Variants in NRXN3 observed in about 807,000 individuals in gnomAD.
NRXN3 encodes neurexin 3.
A neutral mutation model predicts 137.6 loss-of-function variants in NRXN3; 32 were observed. The ratio of observed to expected loss-of-function variants is 0.23; its 90% CI spans 0.18 to 0.31. The LOEUF is 0.31. Ranked by LOEUF, NRXN3 falls within the 10% of genes least tolerant of loss-of-function variation. The pLI, the probability that NRXN3 is intolerant of heterozygous loss-of-function variation, is 1.00. For synonymous variants in NRXN3, 798 were observed against 784.5 expected, an observed-to-expected ratio of 1.02 and a Z score of -0.29; for missense variants, 1,574 against 2,062.5, an observed-to-expected ratio of 0.76 and a Z score of 4.59.
intron 15 of NRXN3, among the ~76,000 whole-genome samples, chr14:79,130,957 C>T (rs1218692895): frequency 5.3e-5 from 8 of 152,168 alleles, no homozygotes; most frequent in Non-Finnish European, 1.0e-4. Context: ...ACCCTTTCTT[C>T]CAGTTGATCG....
At chr14:78,638,543 A>C (rs1601723575) in intron 4 of NRXN3, among the ~76,000 whole-genome samples, 1 of 152,210 alleles carries the variant, frequency 6.6e-6, no homozygotes, top group East Asian at 1.9e-4. Context: ...AAATTCTAGC[A>C]GGAAATGTCA....
intron 10 of NRXN3, among the ~76,000 whole-genome samples, chr14:78,897,008 A>T (rs1012764845): frequency 2.0e-5 from 3 of 151,904 alleles, no homozygotes; most frequent in Admixed American, 1.3e-4. Context: ...TTGTAAAGAA[A>T]GTTTTATTTA....
intron 16 of NRXN3, among the ~76,000 whole-genome samples, chr14:79,474,585 T>C (rs1018638759): frequency 1.3e-5 from 2 of 152,122 alleles, no homozygotes; most frequent in Non-Finnish European, 2.9e-5. Context: ...GTCAATAGGA[T>C]AAGTGACCCT....
chr14:79,667,387 G>A (rs1396986363), intron 17 of NRXN3, among the ~76,000 whole-genome samples: 9 of 151,898 alleles, frequency 5.9e-5, no homozygotes, highest in Non-Finnish European at 1.2e-4. Flanking sequence ...ACATGCTCTC[G>A]GGGAATTGTT....
At chr14:78,824,772 A>C (rs1596256222) in intron 10 of NRXN3, among the ~76,000 whole-genome samples, 1 of 152,234 alleles carries the variant, frequency 6.6e-6, no homozygotes, top group East Asian at 1.9e-4. Context: ...CACAGTCAAC[A>C]ATATTTCATT....
chr14:78,367,760 C>T (rs2086198532), intron 4 of NRXN3, among the ~76,000 whole-genome samples: 1 of 152,172 alleles, frequency 6.6e-6, no homozygotes, highest in South Asian at 2.1e-4. Flanking sequence ...GAATCTGATT[C>T]TGATTTCATT....
intron 20 of NRXN3, among the ~76,000 whole-genome samples, chr14:79,820,019 T>G (rs565611502): frequency 1.4e-5 from 2 of 142,736 alleles, no homozygotes; most frequent in African/African-American, 5.4e-5. Flanking sequence ...GGCAGTAGCT[T>G]CCTTGATCTC....
At chr14:79,577,233 C>G (rs185341800) in intron 16 of NRXN3, among the ~76,000 whole-genome samples, 14 of 152,096 alleles carry the variant, frequency 9.2e-5, no homozygotes, top group African/African-American at 3.4e-4. Context: ...ATCAATTACC[C>G]GGTCTCAGAT....
intron 8 of NRXN3, among the ~76,000 whole-genome samples, chr14:78,742,637 A>C (rs2098583592): frequency 6.6e-6 from 1 of 152,194 alleles, no homozygotes; most frequent in South Asian, 2.1e-4. Flanking sequence ...ATCTGGCCAG[A>C]GTGTGTCTTG....
chr14:78,314,559 A>G (rs968438863), intron 4 of NRXN3, among the ~76,000 whole-genome samples: 3 of 152,186 alleles, frequency 2.0e-5, no homozygotes, highest in African/African-American at 4.8e-5. Context: ...ATGCCTGGAC[A>G]TAGTGTGCAT....
At chr14:79,762,807 G>A (rs202151547) in intron 19 of NRXN3, among the ~76,000 whole-genome samples, 1 of 151,676 alleles carries the variant, frequency 6.6e-6, no homozygotes, top group Non-Finnish European at 1.5e-5. Context: ...GAGAGGCAAA[G>A]TGATAGTATC....
chr14:78,693,656 CGTGTGTGTGTGTGT>C (rs4016744), intron 6 of NRXN3, among the ~76,000 whole-genome samples: 9,792 of 113,942 alleles, frequency 0.086, 459 homozygotes, highest in Middle Eastern at 0.17. Context: ...AGTTGATTTT[CGTGTGTGTGTGTGT>C]GTGTGTGTGT....
At chr14:78,693,807 G>A (rs2098198251) in intron 6 of NRXN3, among the ~76,000 whole-genome samples, 2 of 151,410 alleles carry the variant, frequency 1.3e-5, no homozygotes, top group Admixed American at 6.6e-5. Context: ...GAACCAGAGC[G>A]ATTTCCTAGT....
chr14:78,520,895 T>C (rs1453824261), intron 4 of NRXN3, among the ~76,000 whole-genome samples: 1 of 152,132 alleles, frequency 6.6e-6, no homozygotes, highest in Non-Finnish European at 1.5e-5. Flanking sequence ...GGCATTAATA[T>C]TATGGTGCTG....
At chr14:78,225,968 TG>T (rs1404526579) in intron 1 of NRXN3, among the ~76,000 whole-genome samples, 7 of 125,782 alleles carry the variant, frequency 5.6e-5, no homozygotes, top group Non-Finnish European at 8.0e-5. Context: ...TGTGTGTGTG[TG>T]TGTTGGTGTG....
chr14:78,238,924 G>A (rs940598718), intron 1 of NRXN3, among the ~76,000 whole-genome samples: 1 of 152,258 alleles, frequency 6.6e-6, no homozygotes, highest in Non-Finnish European at 1.5e-5. Context: ...ACAAGGGAAT[G>A]TTTCTGGGCA....
At chr14:78,926,779 ATAAAATATATTATATATTATATATTT>A (rs2099297618) in intron 10 of NRXN3, among the ~76,000 whole-genome samples, 1 of 39,206 alleles carries the variant, frequency 2.6e-5, no homozygotes, top group Non-Finnish European at 3.7e-5. Flanking sequence ...TATTATATAT[ATAAAATATATTATATATTATATATTT>A]ATATATATTA....
intron 8 of NRXN3, among the ~76,000 whole-genome samples, chr14:78,770,228 C>T (rs914042375): frequency 1.3e-5 from 2 of 152,142 alleles, no homozygotes; most frequent in Admixed American, 6.5e-5. Context: ...GGTCGCCCAG[C>T]GCTGGTAAAT....
At chr14:79,077,370 C>A (rs1402539394) in intron 15 of NRXN3, among the ~76,000 whole-genome samples, 1 of 152,170 alleles carries the variant, frequency 6.6e-6, no homozygotes, top group Non-Finnish European at 1.5e-5. Context: ...CGATGTTTGC[C>A]TTCTGTGAAC....
Sources: allele counts gnomAD v4.1 joint callset (sites outside exome capture counted in the v4.1 genomes callset), GRCh38; gene constraint gnomAD v4.1.1; transcripts MANE v1.5; gene names NCBI Gene and HGNC (gene_info 2026-07-23, HGNC 2026-07-21).